TSPEAR: variants seen among roughly 807,000 people sequenced by gnomAD.
The protein encoded by TSPEAR is thrombospondin-type laminin G domain and EAR repeat-containing protein.
TSPEAR carries 69 observed loss-of-function variants against 71.6 expected under a neutral mutation model. The ratio of observed to expected loss-of-function variants is 0.96; its 90% CI spans 0.79 to 1.18. The LOEUF (loss-of-function observed/expected upper bound fraction) is 1.18. TSPEAR is among the 50% of genes most tolerant of loss of function. TSPEAR has a pLI of 0.00. For missense variants in TSPEAR, 971 were observed against 894.9 expected, an observed-to-expected ratio of 1.09 and a Z score of -1.09; for synonymous variants, 402 against 387.2, an observed-to-expected ratio of 1.04 and a Z score of -0.45.
chr21:44,558,427 G>C, intron 2 of TSPEAR: 8 of 1,614,122 alleles, frequency 5.0e-6, no homozygotes, highest in Non-Finnish European at 5.9e-6. Context: ...CAGCAGGCCT[G>C]CTGGCAGGGG....
chr21:44,684,377 T>G (rs2146301837), intron 1 of TSPEAR, among the ~76,000 whole-genome samples: 1 of 151,918 alleles, frequency 6.6e-6, no homozygotes. Flanking sequence ...CTACAGAAAA[T>G]TTAAAAATTA....
At chr21:44,636,394 G>A (rs1983569133) in intron 1 of TSPEAR, among the ~76,000 whole-genome samples, 1 of 152,218 alleles carries the variant, frequency 6.6e-6, no homozygotes, top group Non-Finnish European at 1.5e-5. Flanking sequence ...CAGGGGTACA[G>A]GTAGGGGGTG....
chr21:44,603,484 C>T (rs1211129), intron 1 of TSPEAR, among the ~76,000 whole-genome samples: 112,939 of 152,026 alleles, frequency 0.74, 47,287 homozygotes, highest in Non-Finnish European at 0.94. Flanking sequence ...ATCCCAGACT[C>T]GGCTCCTCCC....
intron 2 of TSPEAR, among the ~76,000 whole-genome samples, chr21:44,534,832 A>C (rs1178234477): frequency 6.6e-6 from 1 of 152,252 alleles, no homozygotes; most frequent in Non-Finnish European, 1.5e-5. Flanking sequence ...ACACATGTTC[A>C]TAGTGGCTTA....
intron 1 of TSPEAR, among the ~76,000 whole-genome samples, chr21:44,678,865 T>A (rs1986446896): frequency 6.6e-6 from 1 of 152,128 alleles, no homozygotes; most frequent in Admixed American, 6.5e-5. Flanking sequence ...AAAAAGGCAA[T>A]CCATGAAGGC....
At chr21:44,591,583 G>A (rs1555926565) in intron 1 of TSPEAR, 2 of 1,613,282 alleles carry the variant, frequency 1.2e-6, no homozygotes, top group South Asian at 2.2e-5. Context: ...CACGGAGGAG[G>A]AGGATCTGCA....
intron 9 of TSPEAR, chr21:44,515,481 CTGA>C (rs201650724): frequency 0.01 from 1,557 of 152,486 alleles, 10 homozygotes; most frequent in Non-Finnish European, 0.013. Context: ...CTGCTCTTCT[CTGA>C]TGTTTCTTTC....
chr21:44,572,649 A>G (rs1202620680), intron 1 of TSPEAR, among the ~76,000 whole-genome samples: 3 of 151,752 alleles, frequency 2.0e-5, no homozygotes, highest in African/African-American at 7.3e-5. Flanking sequence ...AGGTTCTGCC[A>G]TTGTGTCTGC....
chr21:44,674,222 G>C (rs1481205217), intron 1 of TSPEAR, among the ~76,000 whole-genome samples: 1 of 150,276 alleles, frequency 6.7e-6, no homozygotes, highest in Non-Finnish European at 1.5e-5. Flanking sequence ...TAGAAGGAAA[G>C]AGACAATAAA....
intron 1 of TSPEAR, among the ~76,000 whole-genome samples, chr21:44,636,604 C>G (rs1983583722): frequency 6.6e-6 from 1 of 152,152 alleles, no homozygotes. Flanking sequence ...TGACTGTGGC[C>G]CCATCTGACA....
At chr21:44,600,659 TGA>T (rs1980746677) in intron 1 of TSPEAR, 1 of 1,613,680 alleles carries the variant, frequency 6.2e-7, no homozygotes, top group African/African-American at 1.3e-5. Flanking sequence ...TCCAGCGACC[TGA>T]GCTACGGCAG....
At chr21:44,666,011 G>T (rs1329192502) in intron 1 of TSPEAR, among the ~76,000 whole-genome samples, 2 of 152,204 alleles carry the variant, frequency 1.3e-5, no homozygotes, top group Admixed American at 1.3e-4. Context: ...TGGGCCCCAG[G>T]AGCCCTGGGA....
At chr21:44,667,460 T>A (rs1985847019) in intron 1 of TSPEAR, among the ~76,000 whole-genome samples, 1 of 152,134 alleles carries the variant, frequency 6.6e-6, no homozygotes, top group South Asian at 2.1e-4. Flanking sequence ...ACAGAGAACT[T>A]CTTGTGAGTG....
intron 1 of TSPEAR, among the ~76,000 whole-genome samples, chr21:44,599,243 A>G (rs1980609415): frequency 6.7e-6 from 1 of 150,272 alleles, no homozygotes; most frequent in East Asian, 2.0e-4. Flanking sequence ...TATTATTTTT[A>G]TAGTTCAAAA....
Position 44,623,399 on chromosome 21 carries a change from C to T in TSPEAR, c.83-55394G>A, listed in dbSNP as rs782033941. Among the ~76,000 whole-genome samples the T allele has an allele frequency of 2.0e-5, 3 of 152,014 alleles. No homozygotes were observed. Among genetic ancestry groups the T allele is most frequent in the Non-Finnish European group, 4.4e-5 (3 of 67,998 alleles). On this transcript the variant is annotated intron_variant, in intron 1 of 11. Coordinates refer to ENST00000323084, the MANE Select transcript of TSPEAR (RefSeq NM_144991.3). This position sits in a 1 kb window ranked among gnomAD's most constrained non-coding sequence, Gnocchi z 4.5. ...AAGACTGCTTTAACTTCATGTAGCC[C>T]CCTCCTGAATTTTGTGATCTTCTTG...
Position 44,533,728 on chromosome 21 carries a change from C to T in TSPEAR, c.499G>A (p.Gly167Ser), listed in dbSNP as rs782764529. ...CAGTCCGTGGTGAGGGAGAAGACGC[C>T]TGCGGACACAGCCAGGACCAGTGTG... ...WHTLVLAVSA[G>S]VFSLTTDCGL... Residue 167 changes from glycine (G) to serine (S), a missense_variant, in exon 3 of 12, where the codon GGC becomes AGC. By Grantham distance (56) the Gly-to-Ser change is moderately conservative. Transcript: ENST00000323084. 182 of 1,611,992 alleles carry T rather than the reference C, an allele frequency of 1.1e-4. No homozygotes were observed. The highest frequency in any genetic ancestry group is 1.6e-4 in the Middle Eastern group (1 of 6,074).
At chr21:44,611,587 C>T (rs910942349) in intron 1 of TSPEAR, among the ~76,000 whole-genome samples, 1 of 152,142 alleles carries the variant, frequency 6.6e-6, no homozygotes, top group African/African-American at 2.4e-5. Flanking sequence ...GCAGATGGAA[C>T]AGGTAGGGGT....
At chr21:44,542,049 G>A (rs1195365732) in intron 2 of TSPEAR, among the ~76,000 whole-genome samples, 2 of 152,170 alleles carry the variant, frequency 1.3e-5, no homozygotes, top group South Asian at 2.1e-4. Flanking sequence ...TGTGAAACTG[G>A]AATTTAATGC....
chr21:44,569,318 C>T (rs1378667541), intron 1 of TSPEAR, among the ~76,000 whole-genome samples: 1 of 152,210 alleles, frequency 6.6e-6, no homozygotes, highest in Non-Finnish European at 1.5e-5. Flanking sequence ...TGCAGCCGTG[C>T]ACGTCCGCAA....
Sources: allele counts gnomAD v4.1 joint callset (sites outside exome capture counted in the v4.1 genomes callset), GRCh38; gene constraint gnomAD v4.1.1; non-coding constraint Gnocchi (gnomAD v3.1); transcripts MANE v1.5; gene names NCBI Gene and HGNC (gene_info 2026-07-23, HGNC 2026-07-21).